Variants in SLC28A1 observed in about 807,000 individuals in gnomAD.
The protein encoded by SLC28A1 is sodium/nucleoside cotransporter 1.
Under a neutral mutation model 74.8 loss-of-function variants are expected in SLC28A1, and 64 were observed. The ratio of observed to expected loss-of-function variants is 0.86; its 90% CI spans 0.70 to 1.05. The LOEUF is 1.05. Among genes scored for constraint, SLC28A1 ranks in the 50% least tolerant of loss-of-function variants. The pLI is 0.00. For missense variants in SLC28A1, 828 were observed against 822.8 expected, an observed-to-expected ratio of 1.01 and a Z score of -0.08; for synonymous variants, 359 against 335.0, an observed-to-expected ratio of 1.07 and a Z score of -0.78.
chr15:84,931,890 T>G, intron 12 of SLC28A1, among the ~76,000 whole-genome samples: 1 of 151,770 alleles, frequency 6.6e-6, no homozygotes, highest in East Asian at 1.9e-4. Context: ...TAACCCCAGC[T>G]ACTCTGGAGG....
In SLC28A1 at chr15:84,886,752, C is replaced by G. The variant is rs752757620; in HGVS notation, c.-52C>G. 8.1e-6 allele frequency: 8 copies of G among 985,310 alleles called. No individual in the cohort carries two copies. Among genetic ancestry groups the G allele is most frequent in the Non-Finnish European group, 9.6e-6 (8 of 829,794 alleles). 61.0% of individuals were successfully genotyped at this position (985,310 alleles called of 1,614,324 possible). A position where few individuals can be genotyped will look rare whatever the true frequency, so the allele number is the denominator to read the frequency against. On this transcript the variant is annotated 5_prime_UTR_variant, in exon 2 of 19. Coordinates refer to ENST00000394573, the MANE Select transcript of SLC28A1 (RefSeq NM_004213.5). ...TGTCCCCACAGAGACGTGTGCTTCC[C>G]TCTCTCTCTGAGAGCGACCTGTTAA...
At chr15:84,925,754 G>C (rs1970439770) in intron 12 of SLC28A1, among the ~76,000 whole-genome samples, 1 of 152,002 alleles carries the variant, frequency 6.6e-6, no homozygotes, top group South Asian at 2.1e-4. Flanking sequence ...ATACACCTGA[G>C]TACTCACATA....
intron 4 of SLC28A1, among the ~76,000 whole-genome samples, chr15:84,889,208 T>G (rs12906489): frequency 1.3e-5 from 2 of 152,038 alleles, no homozygotes; most frequent in African/African-American, 2.4e-5. Context: ...AAGACTCCGG[T>G]TAAAAATCCT....
chr15:84,916,240 C>CAGGTTTGAGCCACCATGCCTGGCCTTTT (rs1555449976), intron 9 of SLC28A1, among the ~76,000 whole-genome samples: 1 of 98,424 alleles, frequency 1.0e-5, no homozygotes, highest in Non-Finnish European at 1.9e-5. Context: ...GCTGGGATTA[C>CAGGTTTGAGCCACCATGCCTGGCCTTTT]TTTTTTTTTT....
chr15:84,963,788 C>T, the SLC28A1 span, among the ~76,000 whole-genome samples: 1 of 152,188 alleles, frequency 6.6e-6, no homozygotes, highest in Non-Finnish European at 1.5e-5. Flanking sequence ...AGCTCCTCAT[C>T]ATGGCTCATG....
At chr15:84,926,800 GGA>G (rs1330662233) in intron 12 of SLC28A1, among the ~76,000 whole-genome samples, 24 of 108,972 alleles carry the variant, frequency 2.2e-4, no homozygotes, top group African/African-American at 6.4e-4. Flanking sequence ...GGGGGTGGGG[GGA>G]GGGGGGGGGT....
intron 9 of SLC28A1, among the ~76,000 whole-genome samples, chr15:84,912,364 A>T (rs1315470833): frequency 6.6e-6 from 1 of 152,030 alleles, no homozygotes; most frequent in Non-Finnish European, 1.5e-5. Context: ...GCTCACTCAG[A>T]TTTTCAGAAT....
intron 12 of SLC28A1, among the ~76,000 whole-genome samples, chr15:84,930,999 C>T (rs2141988050): frequency 6.6e-6 from 1 of 152,172 alleles, no homozygotes; most frequent in South Asian, 2.1e-4. Context: ...TCTCGAACTC[C>T]TGACCTTGTG....
intron 5 of SLC28A1, among the ~76,000 whole-genome samples, chr15:84,893,069 A>AC (rs548907004): frequency 5.4e-5 from 8 of 147,310 alleles, no homozygotes; most frequent in Non-Finnish European, 9.0e-5. Context: ...GCCTGCCCAG[A>AC]CCCCCCCAGC....
intron 14 of SLC28A1, 27 bp downstream of exon 14, chr15:84,935,221 C>A: frequency 2.5e-6 from 4 of 1,613,600 alleles, no homozygotes. Context: ...CACACTCAGT[C>A]TGTAGAGAGG....
At chr15:84,944,951 C>T (rs947876184) in intron 18 of SLC28A1, 84 bp downstream of exon 18, 13 of 1,151,660 alleles carry the variant, frequency 1.1e-5, no homozygotes. Context: ...CCTTTGGTAC[C>T]AGGGTGAGGG....
chr15:84,895,357 T>A, intron 6 of SLC28A1: 6 of 1,613,928 alleles, frequency 3.7e-6, no homozygotes, highest in Non-Finnish European at 5.1e-6. Flanking sequence ...AAAACTGGAC[T>A]CAACAGTTTC....
Position 84,890,526 on chromosome 15 carries a change from T to C in SLC28A1, c.269T>C (p.Leu90Pro). 2 of 1,610,418 alleles carry C rather than the reference T, an allele frequency of 1.2e-6. No individual in the cohort carries two copies. The highest frequency in any genetic ancestry group is 8.5e-7 in the Non-Finnish European group (1 of 1,179,088). The part of the protein sequence containing the change: ...QLFRWIGTGL[L>P]CTGLSAFLLV... ...TTTCGATGGATCGGCACAGGCCTGCTCTGCACTGGTGAGCCTGGGGCCCAG... is the reference window on the plus strand; with the variant it reads ...TTTCGATGGATCGGCACAGGCCTGCCCTGCACTGGTGAGCCTGGGGCCCAG... The change falls in exon 5 of 19, where the codon CTC becomes CCC. Residue 90 changes from leucine to proline, a missense_variant. Leu to Pro is a moderately conservative substitution (Grantham distance 98). Transcript: ENST00000394573.
chr15:84,948,109 G>T (rs1377340069), downstream of SLC28A1, among the ~76,000 whole-genome samples: 1 of 152,138 alleles, frequency 6.6e-6, no homozygotes, highest in Non-Finnish European at 1.5e-5. Flanking sequence ...TCTGTGAGTT[G>T]ACTAATGGGC....
At chr15:84,886,383 G>A (rs995827020) in intron 1 of SLC28A1, 1 of 981,970 alleles carries the variant, frequency 1.0e-6, no homozygotes, top group Non-Finnish European at 1.2e-6. Flanking sequence ...GGGAAGGAAG[G>A]AGGGGGAGGG....
At position 84,945,244 on chromosome 15, in the gene SLC28A1, C is replaced by T. The variant is rs77514529; in HGVS notation, c.*44C>T. 1.9e-6 allele frequency: 3 copies of T among 1,565,850 alleles called. No homozygotes were observed. The highest frequency in any genetic ancestry group is 1.8e-6 in the Non-Finnish European group (2 of 1,136,388). ...CTTCTGCGCTTCTGAGGGCTGTTCT[C>T]CCCCGGGAACCATCTGTCCCCACCT... On this transcript the variant is annotated 3_prime_UTR_variant, in exon 19 of 19. Transcript: ENST00000394573.
Position 84,888,554 on chromosome 15 carries a change from G to T in SLC28A1, c.97-218G>T, listed in dbSNP as rs184752645. ...GTGTCTGTCCCTGCGCAGACCATGA[G>T]CTCGCTGAGGGCAAGATGTGTCTGG... On this transcript the variant is annotated intron_variant, in intron 3 of 18. Coordinates refer to ENST00000394573, the MANE Select transcript of SLC28A1 (RefSeq NM_004213.5). 5.9e-5 allele frequency among the ~76,000 whole-genome samples: 9 copies of T among 152,328 alleles called. No individual in the cohort carries two copies. The East Asian group carries it at 1.7e-3, about 29-fold the overall frequency.
At chr15:84,912,115 A>G (rs1274669861) in intron 9 of SLC28A1, among the ~76,000 whole-genome samples, 2 of 152,204 alleles carry the variant, frequency 1.3e-5, no homozygotes, top group Non-Finnish European at 2.9e-5. Flanking sequence ...AAGGAGGACT[A>G]GGATAAATGC....
chr15:84,906,079 G>A (rs1369953456), intron 8 of SLC28A1, among the ~76,000 whole-genome samples: 1 of 150,664 alleles, frequency 6.6e-6, no homozygotes, highest in African/African-American at 2.4e-5. Flanking sequence ...GAGTGCAGTG[G>A]TGCAATCTTG....
Sources: gnomAD v4.1 joint callset for allele counts (sites outside exome capture counted in the v4.1 genomes callset) on GRCh38, gnomAD v4.1.1 for gene constraint, MANE v1.5 for transcripts, NCBI Gene and HGNC (gene_info 2026-07-23, HGNC 2026-07-21) for gene names.